CDK6: variants seen among roughly 807,000 people sequenced by gnomAD.
The protein encoded by CDK6 is cyclin-dependent kinase 6.
CDK6 carries 6 observed loss-of-function variants against 37.1 expected under a neutral mutation model. That is an observed-to-expected ratio of 0.16 (90% CI 0.09 to 0.32). The LOEUF (loss-of-function observed/expected upper bound fraction) is 0.32. Ranked by LOEUF, CDK6 falls within the 10% of genes least tolerant of loss-of-function variation. The probability of loss-of-function intolerance (pLI) is 1.00; values close to 1 mark genes in which losing one functional copy is unlikely to be tolerated. For missense variants in CDK6, 224 were observed against 418.9 expected (o/e 0.53, Z 4.06); for synonymous variants, 160 against 161.3 (o/e 0.99, Z 0.06).
chr7:92,637,339 C>T (rs889500866), intron 5 of CDK6, among the ~76,000 whole-genome samples: 1 of 152,242 alleles, frequency 6.6e-6, no homozygotes, highest in South Asian at 2.1e-4. Context: ...GATCATCACT[C>T]GTAGTCTTGG....
At chr7:92,719,205 G>A (rs1798308264) in intron 4 of CDK6, among the ~76,000 whole-genome samples, 1 of 152,096 alleles carries the variant, frequency 6.6e-6, no homozygotes. Flanking sequence ...CGTGTGCCAT[G>A]GTGGTCAGCT....
chr7:92,671,806 A>C (rs1335044046), intron 4 of CDK6, among the ~76,000 whole-genome samples: 1 of 152,128 alleles, frequency 6.6e-6, no homozygotes, highest in South Asian at 2.1e-4. Context: ...AGACCAAAAA[A>C]ATTTTTTTTA....
chr7:92,623,724 GT>G (rs1387043380), intron 5 of CDK6, among the ~76,000 whole-genome samples: 1 of 152,122 alleles, frequency 6.6e-6, no homozygotes, highest in East Asian at 1.9e-4. Context: ...ATTAAAAAAG[GT>G]CATTTTGTGA....
chr7:92,763,152 T>C (rs1799499560), intron 3 of CDK6, among the ~76,000 whole-genome samples: 1 of 152,228 alleles, frequency 6.6e-6, no homozygotes, highest in Admixed American at 6.5e-5. Flanking sequence ...GCAAAACTGC[T>C]AGCTTAAATT....
chr7:92,780,065 T>C (rs769623653), intron 2 of CDK6, among the ~76,000 whole-genome samples: 3 of 152,158 alleles, frequency 2.0e-5, no homozygotes, highest in Non-Finnish European at 4.4e-5. Context: ...TGCAACCTCC[T>C]GGGTTCAAGT....
chr7:92,686,460 T>C (rs11981374), intron 4 of CDK6, among the ~76,000 whole-genome samples: 9,865 of 152,230 alleles, frequency 0.065, 654 homozygotes, highest in East Asian at 0.33. Context: ...TTGCTCTTTT[T>C]ATGGCTGAGT....
At chr7:92,788,613 T>C (rs187860410) in intron 2 of CDK6, among the ~76,000 whole-genome samples, 2 of 152,290 alleles carry the variant, frequency 1.3e-5, no homozygotes, top group East Asian at 3.9e-4. Context: ...GATCACTTAT[T>C]TGAGTGTTTA....
intron 2 of CDK6, among the ~76,000 whole-genome samples, chr7:92,811,462 G>A (rs2115942373): frequency 6.6e-6 from 1 of 152,114 alleles, no homozygotes; most frequent in African/African-American, 2.4e-5. Flanking sequence ...TCAGAAGGAA[G>A]AACAAACTGG....
At chr7:92,744,053 T>C (rs1173887882) in intron 3 of CDK6, among the ~76,000 whole-genome samples, 1 of 152,224 alleles carries the variant, frequency 6.6e-6, no homozygotes, top group Non-Finnish European at 1.5e-5. Flanking sequence ...GTCTTTCCAA[T>C]ATTTGTCCAA....
chr7:92,634,724 A>G (rs1796129698), intron 5 of CDK6, among the ~76,000 whole-genome samples: 1 of 152,064 alleles, frequency 6.6e-6, no homozygotes, highest in Admixed American at 6.5e-5. Context: ...ATCAAGTTTT[A>G]TAGTTTTCTT....
At chr7:92,680,085 T>G (rs1797297325) in intron 4 of CDK6, among the ~76,000 whole-genome samples, 1 of 151,978 alleles carries the variant, frequency 6.6e-6, no homozygotes, top group South Asian at 2.1e-4. Context: ...ATTCTAATTC[T>G]GCCAAGCACA....
Position 92,623,065 on chromosome 7 carries a change from T to C in CDK6, c.669A>G (p.Ser223=). The part of the protein sequence containing the change: ...FRRKPLFRGS[S]DVDQLGKILD... ...AGATTTTTCCTAGTTGATCAACATC[T>C]GAACTTCCACGAAAAAGAGGCCTAA... The change falls in exon 6 of 8, where the codon TCA becomes TCG. Residue 223 remains serine (S), a synonymous_variant. Transcript: ENST00000424848. 6.3e-7 allele frequency: 1 copy of C among 1,587,032 alleles called. No homozygotes were observed. Among genetic ancestry groups the C allele is most frequent in the Non-Finnish European group, 8.6e-7 (1 of 1,158,932 alleles).
intron 3 of CDK6, among the ~76,000 whole-genome samples, chr7:92,773,803 T>C (rs1799778069): frequency 6.6e-6 from 1 of 152,228 alleles, no homozygotes; most frequent in Non-Finnish European, 1.5e-5. Flanking sequence ...ACTAAAGACA[T>C]TTCTTAGTCT....
intron 2 of CDK6, among the ~76,000 whole-genome samples, chr7:92,795,977 G>A (rs865924890): frequency 6.6e-6 from 1 of 151,506 alleles, no homozygotes; most frequent in Non-Finnish European, 1.5e-5. Flanking sequence ...TGAGCATAAG[G>A]TCACTCTCTG....
rs188924404 is a variant in CDK6 at position 92,663,910 on chromosome 7, T to C, written c.647+7516A>G. ...GGCTCACGCCTGTAATCCCAACACT[T>C]TGGGAGGCCGAGGCGGGCGGATCAG... is the stretch of plus-strand genomic sequence containing the variant. On this transcript the variant is annotated intron_variant, in intron 5 of 7. Transcript: ENST00000424848. Among the ~76,000 whole-genome samples the C allele has an allele frequency of 3.9e-5, 6 of 152,040 alleles. No homozygotes were observed. The East Asian group carries it at 9.7e-4, about 25-fold the overall frequency.
At chr7:92,790,688 G>GCA (rs1562966154) in intron 2 of CDK6, among the ~76,000 whole-genome samples, 1 of 151,876 alleles carries the variant, frequency 6.6e-6, no homozygotes, top group African/African-American at 2.4e-5. Flanking sequence ...ATTCAAATCC[G>GCA]CACACACACA....
intron 2 of CDK6, among the ~76,000 whole-genome samples, chr7:92,823,435 T>G (rs1023542866): frequency 8.1e-6 from 1 of 123,786 alleles, no homozygotes; most frequent in African/African-American, 3.3e-5. Context: ...CTTTTGAGTC[T>G]TAATATGTAA....
chr7:92,683,869 C>T (rs1797391359), intron 4 of CDK6, among the ~76,000 whole-genome samples: 1 of 152,202 alleles, frequency 6.6e-6, no homozygotes, highest in African/African-American at 2.4e-5. Context: ...ACTTAGATTG[C>T]AGCATTAGGA....
intron 4 of CDK6, among the ~76,000 whole-genome samples, chr7:92,693,558 A>T (rs2116646433): frequency 6.6e-6 from 1 of 152,324 alleles, no homozygotes; most frequent in Non-Finnish European, 1.5e-5. Context: ...TTAATTCATC[A>T]TTATATACTT....
Sources: gnomAD v4.1 joint callset for allele counts (sites outside exome capture counted in the v4.1 genomes callset) on GRCh38, gnomAD v4.1.1 for gene constraint, MANE v1.5 for transcripts, NCBI Gene and HGNC (gene_info 2026-07-23, HGNC 2026-07-21) for gene names.